FRAS1: variants seen among roughly 807,000 people sequenced by gnomAD.
FRAS1 encodes the protein extracellular matrix organizing protein FRAS1.
Under a neutral mutation model 435.2 loss-of-function variants are expected in FRAS1, and 290 were observed. That is an observed-to-expected ratio of 0.67 (90% CI 0.61 to 0.73). The LOEUF is 0.73. Ranked by LOEUF, FRAS1 falls within the 30% of genes least tolerant of loss-of-function variation. The pLI is 0.00. For synonymous variants in FRAS1, 1,800 were observed against 1,851.0 expected, an observed-to-expected ratio of 0.97 and a Z score of 0.71; for missense variants, 4,860 against 5,001.5, an observed-to-expected ratio of 0.97 and a Z score of 0.85.
rs886059654 is a variant in FRAS1 at position 78,543,385 on chromosome 4, C to T, written c.*2261C>T. 1.6e-4 allele frequency: 25 copies of T among 152,282 alleles called. No homozygotes were observed. The highest frequency in any genetic ancestry group is 5.5e-4 in the African/African-American group (23 of 41,450). The allele number at this position is 152,282 out of a possible 1,614,324, so 9.4% of individuals were successfully genotyped here. A position where few individuals can be genotyped will look rare whatever the true frequency, so the allele number is the denominator to read the frequency against. Reference sequence around the variant, plus strand: ...TGCCCACATATTCTTCTTGCACACCCCTTCCATTACTGCTGAATAGGACAT... The same window carrying T: ...TGCCCACATATTCTTCTTGCACACCTCTTCCATTACTGCTGAATAGGACAT... On this transcript the variant is annotated 3_prime_UTR_variant, in exon 74 of 74. Coordinates refer to ENST00000512123, the MANE Select transcript of FRAS1 (RefSeq NM_025074.7).
intron 6 of FRAS1, among the ~76,000 whole-genome samples, chr4:78,256,550 A>C (rs1416356018): frequency 2.0e-5 from 3 of 152,222 alleles, no homozygotes; most frequent in Non-Finnish European, 4.4e-5. Context: ...CTTCTGCTTT[A>C]AATCCTCAAA....
At chr4:78,245,114 G>C (rs1725169918) in intron 3 of FRAS1, 119 bp from the exon 4 acceptor site, 1 of 733,306 alleles carries the variant, frequency 1.4e-6, no homozygotes, top group Admixed American at 2.1e-5. Flanking sequence ...CCCATCTGTT[G>C]TTGTCACCTC....
intron 30 of FRAS1, among the ~76,000 whole-genome samples, chr4:78,404,383 G>A (rs140272296): frequency 2.0e-5 from 3 of 148,104 alleles, no homozygotes; most frequent in East Asian, 3.9e-4. Context: ...GTCATATTAC[G>A]ATTAAAGCAT....
chr4:78,263,078 G>A (rs1024694544), intron 6 of FRAS1, among the ~76,000 whole-genome samples: 4 of 152,172 alleles, frequency 2.6e-5, no homozygotes, highest in Non-Finnish European at 4.4e-5. Flanking sequence ...GTGGTTAGAA[G>A]GGCATGTATA....
At position 78,466,338 on chromosome 4, in the gene FRAS1, A is replaced by G. The variant is rs77890965; in HGVS notation, c.7160A>G (p.Tyr2387Cys). 6 of 1,613,898 alleles carry G rather than the reference A, an allele frequency of 3.7e-6. No individual in the cohort carries two copies. Among genetic ancestry groups the G allele is most frequent in the Non-Finnish European group, 3.4e-6 (4 of 1,179,806 alleles). Residue 2387 changes from tyrosine (Y) to cysteine (C), a missense_variant, in exon 50 of 74, where the codon TAC becomes TGC. By Grantham distance (194) the Tyr-to-Cys change is radical (BLOSUM62 -2). Coordinates refer to ENST00000512123, the MANE Select transcript of FRAS1 (RefSeq NM_025074.7). Reference sequence around the variant, plus strand: ...GATATCTACCAGAACCGGGTCAGCTACAGCCATGACGGCAGTAACTCCCTC... The same window carrying G: ...GATATCTACCAGAACCGGGTCAGCTGCAGCCATGACGGCAGTAACTCCCTC... ...MKDIYQNRVS[Y>C]SHDGSNSLKD...
chr4:78,140,771 G>T (rs68087695), intron 2 of FRAS1, among the ~76,000 whole-genome samples: 24,490 of 144,598 alleles, frequency 0.17, 2,229 homozygotes, highest in Admixed American at 0.21. Flanking sequence ...ATGTATATAC[G>T]TGTGTGTATA....
At chr4:78,293,043 C>T (rs1275710611) in intron 14 of FRAS1, among the ~76,000 whole-genome samples, 1 of 152,174 alleles carries the variant, frequency 6.6e-6, no homozygotes, top group Non-Finnish European at 1.5e-5. Flanking sequence ...CTTCTATGTA[C>T]CACGCCCTGT....
chr4:78,307,856 C>G (rs979445599), intron 14 of FRAS1, among the ~76,000 whole-genome samples: 1 of 152,218 alleles, frequency 6.6e-6, no homozygotes, highest in African/African-American at 2.4e-5. Context: ...GGAGCTGTTC[C>G]TATTCGGCCA....
At chr4:78,126,036 C>A (rs1719332993) in intron 2 of FRAS1, among the ~76,000 whole-genome samples, 1 of 152,198 alleles carries the variant, frequency 6.6e-6, no homozygotes, top group South Asian at 2.1e-4. Flanking sequence ...GTGGGCTCCA[C>A]CCAGTTCGAG....
Position 78,513,383 on chromosome 4 carries a change from T to G in FRAS1, c.10014-9T>G. On this transcript the variant is annotated splice_polypyrimidine_tract_variant and intron_variant, in intron 64 of 73. Coordinates refer to ENST00000512123, the MANE Select transcript of FRAS1 (RefSeq NM_025074.7). ...AGCTAAACATTTATTTCTGCCTTTT[T>G]CCCCCTAGAATCCACATTTCGGTGC... The G allele has an allele frequency of 6.2e-7, 1 of 1,613,092 alleles. No homozygotes were observed. The highest frequency in any genetic ancestry group is 1.1e-5 in the South Asian group (1 of 90,928).
At chr4:78,435,267 AAAAC>A (rs567068916) in intron 38 of FRAS1, among the ~76,000 whole-genome samples, 11 of 152,206 alleles carry the variant, frequency 7.2e-5, no homozygotes, top group South Asian at 4.1e-4. Flanking sequence ...CCCTTTCTCA[AAAAC>A]AAACAAACAA....
intron 2 of FRAS1, among the ~76,000 whole-genome samples, chr4:78,067,672 T>TTTATTATTATTATTATTATTATTA (rs60743368): frequency 4.8e-5 from 6 of 125,748 alleles, no homozygotes; most frequent in Admixed American, 1.7e-4. Flanking sequence ...TTTTCTTTCT[T>TTTATTATTATTATTATTATTATTA]TTATTATTAT....
At chr4:78,212,946 A>T (rs1321377287) in intron 2 of FRAS1, among the ~76,000 whole-genome samples, 1 of 152,194 alleles carries the variant, frequency 6.6e-6, no homozygotes, top group Admixed American at 6.5e-5. Context: ...AGCCAATCCC[A>T]TGGGAGCTCT....
intron 2 of FRAS1, chr4:78,181,007 A>T: frequency 6.2e-7 from 1 of 1,604,770 alleles, no homozygotes; most frequent in Non-Finnish European, 8.5e-7. Context: ...CTGGGCGGCC[A>T]AGGTCTCCAA....
intron 20 of FRAS1, among the ~76,000 whole-genome samples, chr4:78,359,328 CT>C (rs1272166806): frequency 2.0e-5 from 3 of 152,160 alleles, no homozygotes; most frequent in Non-Finnish European, 4.4e-5. Flanking sequence ...TCCTCAAGCC[CT>C]TGTTGCTCTG....
intron 2 of FRAS1, among the ~76,000 whole-genome samples, chr4:78,103,215 G>A: frequency 6.6e-6 from 1 of 152,212 alleles, no homozygotes; most frequent in Non-Finnish European, 1.5e-5. Flanking sequence ...TAAACTCATG[G>A]TATTGGAAGA....
At chr4:78,278,845 C>G in intron 10 of FRAS1, 101 bp downstream of exon 10, 2 of 739,006 alleles carry the variant, frequency 2.7e-6, no homozygotes, top group Non-Finnish European at 4.6e-6. Flanking sequence ...TTCATTTGTT[C>G]AACAAATGTT....
intron 22 of FRAS1, among the ~76,000 whole-genome samples, chr4:78,368,851 A>G (rs1244625434): frequency 6.6e-6 from 1 of 152,204 alleles, no homozygotes; most frequent in Non-Finnish European, 1.5e-5. Flanking sequence ...TTCCAGGTGG[A>G]GAGAATGGAG....
At chr4:78,140,753 G>A (rs865988740) in intron 2 of FRAS1, among the ~76,000 whole-genome samples, 6,738 of 139,030 alleles carry the variant, frequency 0.048, 255 homozygotes, top group Admixed American at 0.081. Context: ...GTATATACGT[G>A]TGTGTATATG....
Sources: allele counts gnomAD v4.1 joint callset (sites outside exome capture counted in the v4.1 genomes callset), GRCh38; gene constraint gnomAD v4.1.1; transcripts MANE v1.5; gene names NCBI Gene and HGNC (gene_info 2026-07-23, HGNC 2026-07-21).